Variants in MAF observed in about 807,000 individuals in gnomAD.
MAF encodes the protein MAF bZIP transcription factor.
Under a neutral mutation model 22.0 loss-of-function variants are expected in MAF, and 10 were observed. The observed-to-expected ratio is 0.45, with a 90% CI of 0.28 to 0.77. The LOEUF (loss-of-function observed/expected upper bound fraction) is 0.77. Among genes scored for constraint, MAF ranks in the 30% least tolerant of loss-of-function variants. The pLI is 0.12. For missense variants in MAF, 544 were observed against 548.4 expected, an observed-to-expected ratio of 0.99 and a Z score of 0.08; for synonymous variants, 337 against 255.8, an observed-to-expected ratio of 1.32 and a Z score of -3.03.
chr16:79,354,359 G>A, the MAF span, among the ~76,000 whole-genome samples: 1 of 152,090 alleles, frequency 6.6e-6, no homozygotes, highest in African/African-American at 2.4e-5. Flanking sequence ...AGATGGTGAG[G>A]AGCAAATAGG....
downstream of MAF, among the ~76,000 whole-genome samples, chr16:79,592,805 G>T (rs1190423321): frequency 6.6e-6 from 1 of 152,126 alleles, no homozygotes; most frequent in Non-Finnish European, 1.5e-5. Flanking sequence ...CAAAATAAAA[G>T]AACTAAGACA....
chr16:79,581,151 C>A (rs140294873), downstream of MAF, among the ~76,000 whole-genome samples: 1 of 152,148 alleles, frequency 6.6e-6, no homozygotes, highest in African/African-American at 2.4e-5. Context: ...TCTAATCACT[C>A]CATTAAAAAG....
At chr16:79,557,625 C>A in the MAF span, among the ~76,000 whole-genome samples, 7 of 152,042 alleles carry the variant, frequency 4.6e-5, no homozygotes, top group Admixed American at 1.3e-4. Context: ...AGCAGCCAAC[C>A]CTCAGAGTGT....
the MAF span, among the ~76,000 whole-genome samples, chr16:79,451,018 G>T: frequency 1.2e-4 from 18 of 152,128 alleles, no homozygotes; most frequent in African/African-American, 4.3e-4. Flanking sequence ...TCCACACAAG[G>T]TAATCTTACC....
chr16:79,591,593 C>T (rs1358275042), downstream of MAF, among the ~76,000 whole-genome samples: 1 of 152,096 alleles, frequency 6.6e-6, no homozygotes, highest in Non-Finnish European at 1.5e-5. Context: ...CAGTCATAGT[C>T]GTGGAAAATG....
At chr16:79,333,180 G>A in the MAF span, among the ~76,000 whole-genome samples, 17 of 152,262 alleles carry the variant, frequency 1.1e-4, no homozygotes, top group East Asian at 7.7e-4. Flanking sequence ...TCTGGACTGC[G>A]TTGTCTCTTT....
At chr16:79,388,292 T>A in the MAF span, among the ~76,000 whole-genome samples, 1 of 152,244 alleles carries the variant, frequency 6.6e-6, no homozygotes, top group Middle Eastern at 3.4e-3. Context: ...AGAAAGTTCA[T>A]ATTTCTGGGC....
the MAF span, chr16:79,515,890 G>A: frequency 6.6e-6 from 1 of 151,612 alleles, no homozygotes; most frequent in Non-Finnish European, 1.5e-5. Flanking sequence ...CTGAGTGACA[G>A]TGACAATGGG....
chr16:79,599,879 G>T lies in MAF; in HGVS notation c.24C>A (p.Ser8Arg). The T allele has an allele frequency of 6.2e-7, 1 of 1,605,332 alleles. No homozygotes were observed. ...GGGGACTGGTGGGCAGGTCGGAGTT[G>T]CTCATTGCCAGTTCTGATGCCATTC... is the stretch of plus-strand genomic sequence containing the variant. MASELAM[S>R]NSDLPTSPLA... Residue 8 changes from serine to arginine, a missense_variant, in exon 1 of 2, where the codon AGC becomes AGA. Ser to Arg is a moderately radical substitution (Grantham distance 110). Around this residue, in one of 5 missense-constraint regions of MAF, gnomAD observed 63 missense variants for 72.7 expected, o/e 0.87. Coordinates refer to ENST00000326043, the MANE Select transcript of MAF (RefSeq NM_005360.5).
the MAF span, among the ~76,000 whole-genome samples, chr16:79,261,261 TC>T: frequency 1.3e-5 from 2 of 152,176 alleles, no homozygotes; most frequent in Non-Finnish European, 2.9e-5. Flanking sequence ...CAAGAGATTC[TC>T]CCGCTTCAGC....
chr16:79,441,419 A>C, the MAF span, among the ~76,000 whole-genome samples: 3 of 152,226 alleles, frequency 2.0e-5, no homozygotes, highest in Non-Finnish European at 4.4e-5. Flanking sequence ...TTGGTTTTGC[A>C]GACTGTACAC....
At chr16:79,437,366 G>C in the MAF span, among the ~76,000 whole-genome samples, 1 of 152,122 alleles carries the variant, frequency 6.6e-6, no homozygotes, top group Non-Finnish European at 1.5e-5. Flanking sequence ...AGGTGTAAGA[G>C]AACCCCAGGC....
the MAF span, among the ~76,000 whole-genome samples, chr16:79,475,400 G>C: frequency 5.5e-3 from 764 of 138,474 alleles, 6 homozygotes; most frequent in African/African-American, 0.018. Flanking sequence ...GAAAGAAGTA[G>C]ATTTGGGAGG....
chr16:79,267,718 A>G, the MAF span, among the ~76,000 whole-genome samples: 3 of 152,182 alleles, frequency 2.0e-5, no homozygotes, highest in Non-Finnish European at 4.4e-5. Context: ...TAAGATGAAC[A>G]CCTGCTTCAA....
the MAF span, among the ~76,000 whole-genome samples, chr16:79,355,326 C>T: frequency 5.9e-3 from 898 of 152,336 alleles, 4 homozygotes; most frequent in Admixed American, 0.014. Context: ...GGAGGAACCC[C>T]AGGTCAGATG....
At chr16:79,567,708 G>A in the MAF span, among the ~76,000 whole-genome samples, 1 of 152,308 alleles carries the variant, frequency 6.6e-6, no homozygotes, top group Admixed American at 6.5e-5. Context: ...TCGCCTCCAT[G>A]AGCAGCTCAG....
chr16:79,240,983 G>C, the MAF span, among the ~76,000 whole-genome samples: 2 of 151,980 alleles, frequency 1.3e-5, no homozygotes, highest in African/African-American at 4.8e-5. Context: ...CAAACAGAAA[G>C]GAATTGCATC....
the MAF span, among the ~76,000 whole-genome samples, chr16:79,383,200 C>A: frequency 6.6e-6 from 1 of 152,102 alleles, no homozygotes; most frequent in African/African-American, 2.4e-5. Context: ...GGTACTTAAA[C>A]TCCAACTGAA....
chr16:79,448,066 A>C, the MAF span, among the ~76,000 whole-genome samples: 3 of 152,184 alleles, frequency 2.0e-5, no homozygotes, highest in African/African-American at 7.2e-5. Flanking sequence ...TAACAAAAAA[A>C]TTAGAATATT....
Sources: gnomAD v4.1 joint callset for allele counts (sites outside exome capture counted in the v4.1 genomes callset) on GRCh38, gnomAD v4.1.1 for gene constraint, gnomAD v4.1.1 regional missense constraint, MANE v1.5 for transcripts, NCBI Gene and HGNC (gene_info 2026-07-23, HGNC 2026-07-21) for gene names.